The following PPP6R2 variants were observed in gnomAD, a reference collection of about 807,000 sequenced individuals.
PPP6R2 encodes the protein serine/threonine-protein phosphatase 6 regulatory subunit 2.
A neutral mutation model predicts 100.2 loss-of-function variants in PPP6R2; 62 were observed. The ratio of observed to expected loss-of-function variants is 0.62; its 90% CI spans 0.50 to 0.76. The LOEUF (loss-of-function observed/expected upper bound fraction) is 0.76, where lower values mean the gene tolerates loss of function less well. Among genes scored for constraint, PPP6R2 ranks in the 30% least tolerant of loss-of-function variants. The probability of loss-of-function intolerance (pLI) is 0.00; values close to 1 mark genes in which losing one functional copy is unlikely to be tolerated. For synonymous variants in PPP6R2, 525 were observed against 514.7 expected (o/e 1.02, Z -0.27); for missense variants, 1,142 against 1,276.3 (o/e 0.89, Z 1.60).
At chr22:50,432,456 G>C in intron 12 of PPP6R2, 127 bp downstream of exon 12, 2 of 867,390 alleles carry the variant, frequency 2.3e-6, no homozygotes, top group Middle Eastern at 3.5e-4. Flanking sequence ...GGTGTGCGAC[G>C]TGGCTCCACG....
At chr22:50,342,013 GA>G (rs2042454050), upstream of PPP6R2, among the ~76,000 whole-genome samples, 1 of 151,738 alleles carries the variant, frequency 6.6e-6, no homozygotes, top group Admixed American at 6.6e-5. Flanking sequence ...AAGAGGAGGA[GA>G]GGGGCTCCTG....
At chr22:50,382,561 C>T (rs2053343021) in intron 2 of PPP6R2, among the ~76,000 whole-genome samples, 1 of 150,764 alleles carries the variant, frequency 6.6e-6, no homozygotes, top group South Asian at 2.1e-4. Context: ...TTACAGTGTA[C>T]CACCAACAAA....
intron 2 of PPP6R2, among the ~76,000 whole-genome samples, chr22:50,392,532 C>G (rs576087659): frequency 6.6e-6 from 1 of 152,280 alleles, no homozygotes; most frequent in South Asian, 2.1e-4. Context: ...GCTGCAGGGC[C>G]TCACCCTTAG....
chr22:50,402,419 A>ATAAGGAAG (rs1414326977), intron 3 of PPP6R2, among the ~76,000 whole-genome samples: 1 of 149,792 alleles, frequency 6.7e-6, no homozygotes, highest in Non-Finnish European at 1.5e-5. Context: ...CCCAGGAGCC[A>ATAAGGAAG]TAAGGAAGGG....
At chr22:50,339,708 GGT>G (rs1569219037), upstream of PPP6R2, among the ~76,000 whole-genome samples, 4 of 143,562 alleles carry the variant, frequency 2.8e-5, no homozygotes, top group Non-Finnish European at 4.5e-5. Context: ...TGTAGTGTGT[GGT>G]GTGTGTAGGG....
At position 50,397,908 on chromosome 22, in the gene PPP6R2, GC is replaced by G. The variant is rs1362588449; in HGVS notation, c.227+3775del. 1.3e-3 allele frequency among the ~76,000 whole-genome samples: 162 copies of G among 121,448 alleles called. 2 individuals are homozygous for G. Among genetic ancestry groups the G allele is most frequent in the African/African-American group, 4.7e-3 (142 of 30,466 alleles). The allele number at this position is 121,448 out of a possible 152,430, so 79.7% of individuals were successfully genotyped here. A position where few individuals can be genotyped will look rare whatever the true frequency, so the allele number is the denominator to read the frequency against. ...TGTGACTTGGGATGGGGGCGGGGGG[GC>G]CTGTCCTCACCAGCCTTGTCATCTC... On this transcript the variant is annotated intron_variant, in intron 3 of 23. Transcript: ENST00000612753.
At chr22:50,436,528 G>C in intron 14 of PPP6R2, 76 bp downstream of exon 14, 1 of 1,430,454 alleles carries the variant, frequency 7.0e-7, no homozygotes, top group Non-Finnish European at 9.6e-7. Flanking sequence ...CCTTTGCCCT[G>C]AGGCAGAGGC....
intron 10 of PPP6R2, among the ~76,000 whole-genome samples, chr22:50,425,961 G>A (rs998308052): frequency 6.8e-6 from 1 of 147,934 alleles, no homozygotes; most frequent in African/African-American, 2.5e-5. Flanking sequence ...TATTTTCTTT[G>A]GGTTATCTTT....
chr22:50,338,032 G>A, the PPP6R2 span, among the ~76,000 whole-genome samples: 3 of 145,370 alleles, frequency 2.1e-5, no homozygotes, highest in South Asian at 2.3e-4. Context: ...TATGTGTGGT[G>A]TGTTTGTGTA....
intron 2 of PPP6R2, among the ~76,000 whole-genome samples, chr22:50,380,984 C>G (rs2052776849): frequency 8.7e-6 from 1 of 115,514 alleles, no homozygotes; most frequent in East Asian, 2.4e-4. Context: ...GAGACTCCAT[C>G]TCAAAAAAAA....
At chr22:50,353,243 A>G (rs948189180) in intron 1 of PPP6R2, among the ~76,000 whole-genome samples, 1 of 152,198 alleles carries the variant, frequency 6.6e-6, no homozygotes, top group East Asian at 1.9e-4. Flanking sequence ...TGCCTTCTTC[A>G]CTAAGCTTAA....
intron 3 of PPP6R2, among the ~76,000 whole-genome samples, chr22:50,400,003 C>T (rs1455328341): frequency 6.6e-6 from 1 of 152,256 alleles, no homozygotes; most frequent in East Asian, 1.9e-4. Flanking sequence ...AGACACCAAG[C>T]TGTCGCTTTC....
intron 1 of PPP6R2, among the ~76,000 whole-genome samples, chr22:50,351,026 GTTTTTTTTTTTTTTTTTTT>G (rs1195469509): frequency 1.2e-5 from 1 of 80,748 alleles, no homozygotes; most frequent in Non-Finnish European, 2.3e-5. Context: ...TCTCAACAGT[GTTTTTTTTTTTTTTTTTTT>G]TTTTTTTTTT....
At chr22:50,332,625 C>CTT in the PPP6R2 span, among the ~76,000 whole-genome samples, 3 of 145,392 alleles carry the variant, frequency 2.1e-5, no homozygotes, top group African/African-American at 8.1e-5. Context: ...AGGTTTAAAT[C>CTT]CTTTTTTTTT....
chr22:50,438,387 G>T (rs1258899461), intron 18 of PPP6R2, 89 bp downstream of exon 18: 15 of 1,543,590 alleles, frequency 9.7e-6, no homozygotes, highest in East Asian at 2.2e-5. Context: ...TCGTTAGCTG[G>T]CTTGCAGAGC....
At chr22:50,353,825 T>C (rs1242695947) in intron 1 of PPP6R2, among the ~76,000 whole-genome samples, 8 of 151,910 alleles carry the variant, frequency 5.3e-5, no homozygotes, top group Non-Finnish European at 2.9e-5. Flanking sequence ...CCCTTTTTTT[T>C]TTTTTTTGTT....
chr22:50,398,545 C>T (rs1280648903), intron 3 of PPP6R2, among the ~76,000 whole-genome samples: 1 of 141,206 alleles, frequency 7.1e-6, no homozygotes, highest in Non-Finnish European at 1.5e-5. Context: ...GAAACACAGT[C>T]CTTTCTGTCA....
intron 1 of PPP6R2, among the ~76,000 whole-genome samples, chr22:50,357,867 G>A (rs28540936): frequency 0.16 from 23,580 of 151,650 alleles, 4,998 homozygotes; most frequent in African/African-American, 0.48. Context: ...CTCGTGATTC[G>A]TCCTCCTTGG....
At chr22:50,361,117 T>C (rs975729591) in intron 1 of PPP6R2, among the ~76,000 whole-genome samples, 1 of 152,206 alleles carries the variant, frequency 6.6e-6, no homozygotes, top group Non-Finnish European at 1.5e-5. Context: ...CTTTCTCAGC[T>C]CTTTGCTGTG....
Sources: gnomAD v4.1 joint callset for allele counts (sites outside exome capture counted in the v4.1 genomes callset) on GRCh38, gnomAD v4.1.1 for gene constraint, MANE v1.5 for transcripts, NCBI Gene and HGNC (gene_info 2026-07-23, HGNC 2026-07-21) for gene names.